The following LAMC3 variants were observed in gnomAD, a reference collection of about 807,000 sequenced individuals.
LAMC3 encodes the protein laminin subunit gamma-3.
Under a neutral mutation model 173.8 loss-of-function variants are expected in LAMC3, and 128 were observed. That is an observed-to-expected ratio of 0.74 (90% CI 0.64 to 0.85). The LOEUF is 0.85. Ranked by LOEUF, LAMC3 falls within the 40% of genes least tolerant of loss-of-function variation. The probability of loss-of-function intolerance (pLI) is 0.00; values close to 1 mark genes in which losing one functional copy is unlikely to be tolerated. For missense variants in LAMC3, 2,022 were observed against 2,156.0 expected (o/e 0.94, Z 1.23); for synonymous variants, 897 against 909.1 (o/e 0.99, Z 0.24).
chr9:131,083,007 G>A (rs991224719), intron 24 of LAMC3, among the ~76,000 whole-genome samples: 4 of 152,234 alleles, frequency 2.6e-5, no homozygotes, highest in East Asian at 1.9e-4. Flanking sequence ...GTCACCCATC[G>A]TTTGGGGACT....
At chr9:131,033,608 G>A (rs983256428) in intron 3 of LAMC3, among the ~76,000 whole-genome samples, 23 of 152,084 alleles carry the variant, frequency 1.5e-4, no homozygotes, top group Non-Finnish European at 3.1e-4. Flanking sequence ...ATTTGGTCAG[G>A]GTAGTAACAG....
chr9:131,057,299 A>C, intron 12 of LAMC3, 152 bp downstream of exon 12: 1 of 716,340 alleles, frequency 1.4e-6, no homozygotes, highest in East Asian at 2.7e-5. Context: ...CGTGCTGCTC[A>C]GTGCCTGGGC....
chr9:131,046,158 T>C (rs1049110360), intron 8 of LAMC3, among the ~76,000 whole-genome samples: 2 of 151,666 alleles, frequency 1.3e-5, no homozygotes, highest in South Asian at 4.2e-4. Context: ...GCACTGCATT[T>C]GTCAGCTCCT....
In LAMC3 at chr9:131,066,975, T is replaced by A; in HGVS notation, c.2363T>A (p.Val788Asp). The A allele has an allele frequency of 6.2e-7, 1 of 1,613,762 alleles. No homozygotes were observed. Among genetic ancestry groups the A allele is most frequent in the Non-Finnish European group, 8.5e-7 (1 of 1,179,988 alleles). The change falls in exon 14 of 28, where the codon GTC becomes GAC. Residue 788 changes from valine (V) to aspartate (D), a missense_variant. Val to Asp is a radical substitution (Grantham distance 152, BLOSUM62 -3). Transcript: ENST00000361069. ...CTACACACAGGGCGGCGCTGTGAGG[T>A]CTGTGATGATGGCTTTTTTGGGGAC... ...PPGQRGRRCE[V>D]CDDGFFGDPL...
At chr9:131,087,668 GC>G in intron 26 of LAMC3, 46 bp downstream of exon 26, 6 of 1,613,716 alleles carry the variant, frequency 3.7e-6, no homozygotes, top group Non-Finnish European at 5.1e-6. Flanking sequence ...GCCCCTGGCA[GC>G]CCGGGTGGGG....
chr9:131,051,713 A>G (rs1834289328), intron 9 of LAMC3, among the ~76,000 whole-genome samples: 1 of 152,180 alleles, frequency 6.6e-6, no homozygotes, highest in Non-Finnish European at 1.5e-5. Context: ...CAACAAGCCC[A>G]GCCACTTTTA....
rs377175197 is a variant in LAMC3 at position 131,052,964 on chromosome 9, C to T, written c.1938C>T (p.Ala646=). ...GCGTCAGTCCCGGCCCCAGCCCTGC[C>T]GGTCAGTAAAGACAACCACATGCCC... ...RLRVSPGPSP[A]GPVFLTEVRL... The change falls in exon 11 of 28, where the codon GCC becomes GCT. Residue 646 remains alanine (A), a splice_region_variant and synonymous_variant. Coordinates refer to ENST00000361069, the MANE Select transcript of LAMC3 (RefSeq NM_006059.4). 1.3e-5 allele frequency: 21 copies of T among 1,608,836 alleles called. No individual in the cohort carries two copies. Among genetic ancestry groups the T allele is most frequent in the African/African-American group, 2.7e-5 (2 of 74,856 alleles).
chr9:131,029,326 C>G lies in LAMC3; in HGVS notation c.679-2719C>G, dbSNP rs149584374. 6.6e-6 allele frequency among the ~76,000 whole-genome samples: 1 copy of G among 152,214 alleles called. No individual in the cohort carries two copies. ...TTTAAAAATTACAATTTCTTCTCCA[C>G]GGGGCTCCAAAGCTCTGTAGATTAG... On this transcript the variant is annotated intron_variant, in intron 2 of 27. Coordinates refer to ENST00000361069, the MANE Select transcript of LAMC3 (RefSeq NM_006059.4). This position sits in a 1 kb window ranked among gnomAD's most constrained non-coding sequence, Gnocchi z 4.6.
chr9:131,046,387 AAAG>A (rs1834159771), intron 8 of LAMC3, among the ~76,000 whole-genome samples: 2 of 149,944 alleles, frequency 1.3e-5, no homozygotes, highest in African/African-American at 4.9e-5. Flanking sequence ...ATTTTTTTCT[AAAG>A]ACAGGGTTTT....
At chr9:131,040,588 A>G (rs1310642545) in intron 6 of LAMC3, among the ~76,000 whole-genome samples, 1 of 152,152 alleles carries the variant, frequency 6.6e-6, no homozygotes, top group African/African-American at 2.4e-5. Flanking sequence ...TCCTTGTAAA[A>G]TATTTGGTGG....
At chr9:131,052,075 G>A (rs764373800) in intron 9 of LAMC3, among the ~76,000 whole-genome samples, 3 of 152,134 alleles carry the variant, frequency 2.0e-5, no homozygotes, top group Non-Finnish European at 4.4e-5. Flanking sequence ...GTCACCTGGA[G>A]GTCCCGCTAA....
intron 1 of LAMC3, among the ~76,000 whole-genome samples, chr9:131,019,953 G>A (rs1326738802): frequency 1.3e-5 from 2 of 152,060 alleles, no homozygotes; most frequent in Non-Finnish European, 1.5e-5. Flanking sequence ...CAGCCAGCTG[G>A]AACATAAAGC....
rs1564374045 is a variant in LAMC3, at chr9:131,045,622, A to G, written c.1481A>G (p.Gln494Arg). ...GHSKVCASTAQFQVHHILSDF... is the reference protein window; with the variant it reads ...GHSKVCASTARFQVHHILSDF... ...TCCAAGGTGTGCGCGTCCACTGCCC[A>G]GTTCCAGGTGCATCACATCCTCAGC... is the stretch of plus-strand genomic sequence containing the variant. Residue 494 changes from glutamine to arginine, a missense_variant, in exon 8 of 28, where the codon CAG (glutamine) becomes CGG (arginine). Gln to Arg is a conservative substitution (Grantham distance 43, BLOSUM62 1). Transcript: ENST00000361069. 3.1e-6 allele frequency: 5 copies of G among 1,614,210 alleles called. No individual in the cohort carries two copies. The highest frequency in any genetic ancestry group is 1.1e-5 in the South Asian group (1 of 91,080).
At chr9:131,050,988 T>C (rs960527554) in intron 9 of LAMC3, among the ~76,000 whole-genome samples, 6 of 152,104 alleles carry the variant, frequency 3.9e-5, no homozygotes, top group Admixed American at 3.3e-4. Context: ...AGCCGGGGCA[T>C]GTGGCCACCA....
In LAMC3 at chr9:131,052,930, T is replaced by C; in HGVS notation, c.1904T>C (p.Leu635Pro). The C allele has an allele frequency of 6.2e-7, 1 of 1,613,348 alleles. No homozygotes were observed. The highest frequency in any genetic ancestry group is 1.1e-5 in the South Asian group (1 of 91,056). ...CGGCTCCTCGCCAACCTGACCAGCCTCCGCCTCCGCGTCAGTCCCGGCCCC... is the reference window on the plus strand; with the variant it reads ...CGGCTCCTCGCCAACCTGACCAGCCCCCGCCTCCGCGTCAGTCCCGGCCCC... ...FQRLLANLTSLRLRVSPGPSP... is the reference protein window; with the variant it reads ...FQRLLANLTSPRLRVSPGPSP... The change falls in exon 11 of 28, where the codon CTC (leucine) becomes CCC (proline). Residue 635 changes from leucine to proline, a missense_variant. Transcript: ENST00000361069.
At chr9:131,021,301 A>G (rs572204390) in intron 1 of LAMC3, 13 of 152,206 alleles carry the variant, frequency 8.5e-5, no homozygotes, top group African/African-American at 3.1e-4. Flanking sequence ...TGTCAAATAG[A>G]TGCATTGTTT....
chr9:131,049,330 T>G (rs939545442), intron 9 of LAMC3, among the ~76,000 whole-genome samples, 200 bp downstream of exon 9: 1 of 152,180 alleles, frequency 6.6e-6, no homozygotes, highest in African/African-American at 2.4e-5. Context: ...GGAAAGTCCC[T>G]TCCTTGCCTT....
At chr9:131,056,394 A>ATCTTTCC (rs1564378918) in intron 11 of LAMC3, among the ~76,000 whole-genome samples, 1 of 152,142 alleles carries the variant, frequency 6.6e-6, no homozygotes, top group Non-Finnish European at 1.5e-5. Context: ...ATATATCGTT[A>ATCTTTCC]ATAACCTGTG....
At chr9:131,083,051 G>A (rs1177457652) in intron 24 of LAMC3, among the ~76,000 whole-genome samples, 1 of 152,228 alleles carries the variant, frequency 6.6e-6, no homozygotes, top group African/African-American at 2.4e-5. Flanking sequence ...GTGTGCTTAA[G>A]TATCTAGAGT....
Sources: gnomAD v4.1 joint callset for allele counts (sites outside exome capture counted in the v4.1 genomes callset) on GRCh38, gnomAD v4.1.1 for gene constraint, Gnocchi (gnomAD v3.1) non-coding constraint, MANE v1.5 for transcripts, NCBI Gene and HGNC (gene_info 2026-07-23, HGNC 2026-07-21) for gene names.